The following NRDE2 variants were observed in gnomAD, a reference collection of about 807,000 sequenced individuals.
The protein encoded by NRDE2 is nuclear exosome regulator NRDE2.
NRDE2 carries 76 observed loss-of-function variants against 124.2 expected under a neutral mutation model. That is an observed-to-expected ratio of 0.61 (90% CI 0.51 to 0.74). The LOEUF (loss-of-function observed/expected upper bound fraction) is 0.74, where lower values mean the gene tolerates loss of function less well. NRDE2 is among the 30% of genes least tolerant of loss of function. The pLI is 0.00. For synonymous variants in NRDE2, 489 were observed against 528.1 expected, an observed-to-expected ratio of 0.93 and a Z score of 1.01; for missense variants, 1,314 against 1,417.3, an observed-to-expected ratio of 0.93 and a Z score of 1.17.
At chr14:90,324,953 G>A (rs919641208) in intron 1 of NRDE2, among the ~76,000 whole-genome samples, 145 of 152,278 alleles carry the variant, frequency 9.5e-4, no homozygotes, top group African/African-American at 3.2e-3. Flanking sequence ...GCAATGGCAG[G>A]ACTAACGGCG....
In NRDE2 at chr14:90,273,611, T is replaced by C. The variant is rs909650615; in HGVS notation, c.*4725A>G. ...CACAATTTTATCTCAGTTCTGTAGG[T>C]CAGAAGTCCAACACGAGTGTCTCCA... On this transcript the variant is annotated 3_prime_UTR_variant, in exon 14 of 14. Coordinates refer to ENST00000354366, the MANE Select transcript of NRDE2 (RefSeq NM_017970.4). 1.3e-5 allele frequency: 2 copies of C among 152,436 alleles called. No individual in the cohort carries two copies. Among genetic ancestry groups the C allele is most frequent in the Admixed American group, 6.5e-5 (1 of 15,280 alleles). The allele number at this position is 152,436 out of a possible 1,614,324, so 9.4% of individuals were successfully genotyped here.
At chr14:90,326,690 C>T (rs1224933462) in intron 1 of NRDE2, among the ~76,000 whole-genome samples, 1 of 151,922 alleles carries the variant, frequency 6.6e-6, no homozygotes, top group Non-Finnish European at 1.5e-5. Flanking sequence ...CAACGTTAGG[C>T]TAAGCATTTT....
chr14:90,307,640 C>T (rs1884662564), intron 4 of NRDE2, among the ~76,000 whole-genome samples: 1 of 152,250 alleles, frequency 6.6e-6, no homozygotes, highest in Non-Finnish European at 1.5e-5. Context: ...CTTTGGGAGG[C>T]CAAGGTGGGC....
intron 4 of NRDE2, among the ~76,000 whole-genome samples, chr14:90,308,848 G>T (rs141312295): frequency 7.6e-4 from 115 of 152,142 alleles, no homozygotes; most frequent in Admixed American, 1.8e-3. Flanking sequence ...CAAAGCCAGG[G>T]AACAAAAATG....
chr14:90,313,459 G>A (rs926194527), intron 3 of NRDE2, among the ~76,000 whole-genome samples: 2 of 151,980 alleles, frequency 1.3e-5, no homozygotes, highest in Admixed American at 6.6e-5. Flanking sequence ...CTCTGTATTC[G>A]CTGTTTTGCT....
intron 6 of NRDE2, among the ~76,000 whole-genome samples, chr14:90,302,130 G>A (rs961428741): frequency 6.6e-6 from 1 of 152,158 alleles, no homozygotes; most frequent in Non-Finnish European, 1.5e-5. Flanking sequence ...GTTGCTGATG[G>A]AGAAACTGGG....
rs369516769 is a variant in NRDE2 at position 90,318,032 on chromosome 14, T to A, written c.146A>T (p.His49Leu). The A allele has an allele frequency of 1.2e-6, 2 of 1,614,024 alleles. No individual in the cohort carries two copies. The highest frequency in any genetic ancestry group is 1.7e-5 in the Admixed American group (1 of 59,970). ...TGTCAGCGGTAACCCTTCAGAAACA[T>A]GGGCTGGAGCTGCTTCAGTTTGTTG... is the stretch of plus-strand genomic sequence containing the variant. ...LSQQTEAAPA[H>L]VSEGLPLTRS... is the part of the protein sequence containing the mutation. The change falls in exon 2 of 14, where the codon CAT (histidine) becomes CTT (leucine). Residue 49 changes from histidine to leucine, a missense_variant. By Grantham distance (99) the His-to-Leu change is moderately conservative. Transcript: ENST00000354366.
intron 4 of NRDE2, among the ~76,000 whole-genome samples, chr14:90,310,366 C>T (rs1884779816): frequency 6.6e-6 from 1 of 152,196 alleles, no homozygotes; most frequent in South Asian, 2.1e-4. Context: ...TACTTAACCT[C>T]TCTGCGATTC....
At chr14:90,326,494 C>A (rs1885443592) in intron 1 of NRDE2, among the ~76,000 whole-genome samples, 4 of 122,586 alleles carry the variant, frequency 3.3e-5, no homozygotes, top group Admixed American at 9.7e-5. Context: ...GAGCGAGACT[C>A]TGTCTCAAAA....
chr14:90,302,986 T>C lies in NRDE2; in HGVS notation c.1145A>G (p.Asp382Gly). The change falls in exon 6 of 14, where the codon GAT becomes GGT. Residue 382 changes from aspartate (D) to glycine (G), a missense_variant. Physicochemically the swap from Asp to Gly is moderately conservative, Grantham distance 94 (BLOSUM62 -1). Transcript: ENST00000354366. ...GAGCTTCAGCTTGGCCAGTTTCAGA[T>C]CCACACTGCTCTGGTTGCTCTCAAT... Reference protein sequence around the residue: ...RAIESNQSSVDLKLAKLKLCT... With the variant: ...RAIESNQSSVGLKLAKLKLCT... The C allele has an allele frequency of 6.2e-7, 1 of 1,614,064 alleles. No homozygotes were observed. Among genetic ancestry groups the C allele is most frequent in the South Asian group, 1.1e-5 (1 of 91,084 alleles).
At chr14:90,283,732 C>CA (rs1266114619) in intron 12 of NRDE2, among the ~76,000 whole-genome samples, 2 of 144,214 alleles carry the variant, frequency 1.4e-5, no homozygotes, top group African/African-American at 5.2e-5. Flanking sequence ...TTTTTTGAGA[C>CA]AGAGTCTGGC....
intron 13 of NRDE2, chr14:90,278,705 T>C (rs1016710990): frequency 9.1e-6 from 5 of 546,768 alleles, no homozygotes; most frequent in African/African-American, 5.6e-5. Context: ...GTCCAGGAAT[T>C]GCTGGCCGTC....
In NRDE2 at chr14:90,289,172, G is replaced by A. The variant is rs777160944; in HGVS notation, c.2230-27C>T. The stretch of plus-strand genomic sequence containing the variant: ...TACAGGGAAAAAGAGAAGAATGACT[G>A]CAGGTGCTCTGTAATTAAGGCGTCC... On this transcript the variant is annotated intron_variant, in intron 10 of 13. Coordinates refer to ENST00000354366, the MANE Select transcript of NRDE2 (RefSeq NM_017970.4). The A allele has an allele frequency of 9.0e-6, 14 of 1,556,448 alleles. No homozygotes were observed. In the East Asian group the frequency reaches 2.0e-4, roughly 23 times the overall value.
rs551689313 is a variant in NRDE2, at chr14:90,277,501, G to A, written c.*835C>T. The A allele has an allele frequency of 3.9e-5, 6 of 152,404 alleles. No homozygotes were observed. Among genetic ancestry groups the A allele is most frequent in the East Asian group, 1.9e-4 (1 of 5,180 alleles). The allele number at this position is 152,404 out of a possible 1,614,324, so 9.4% of individuals were successfully genotyped here. A position where few individuals can be genotyped will look rare whatever the true frequency, so the allele number is the denominator to read the frequency against. On this transcript the variant is annotated 3_prime_UTR_variant, in exon 14 of 14. Transcript: ENST00000354366. Reference sequence around the variant, plus strand: ...AAAATGGATGTTGACATTTCATTCTGTTCACAGCCCTCGAATGCAACACCA... The same window carrying A: ...AAAATGGATGTTGACATTTCATTCTATTCACAGCCCTCGAATGCAACACCA...
intron 8 of NRDE2, among the ~76,000 whole-genome samples, chr14:90,295,913 G>C (rs181947516): frequency 2.6e-5 from 4 of 152,206 alleles, no homozygotes. Context: ...TGCAGAGAAT[G>C]TAAGTACCAA....
rs1891622888 is a variant in NRDE2, at chr14:90,270,089, T to G, written c.*8247A>C. The G allele has an allele frequency of 8.5e-7, 1 of 1,176,864 alleles. No individual in the cohort carries two copies. The highest frequency in any genetic ancestry group is 1.2e-6 in the Non-Finnish European group (1 of 845,806). 72.9% of individuals were successfully genotyped at this position (1,176,864 alleles called of 1,614,324 possible). On this transcript the variant is annotated 3_prime_UTR_variant, in exon 14 of 14. Transcript: ENST00000354366. The stretch of plus-strand genomic sequence containing the variant: ...AAATTTAGACATCCTTCCCACAGAA[T>G]TCTGTCCGACTGAAACTTCGTATGT...
At chr14:90,309,472 C>A (rs372069726) in intron 4 of NRDE2, among the ~76,000 whole-genome samples, 739 of 110,652 alleles carry the variant, frequency 6.7e-3, no homozygotes, top group East Asian at 9.2e-3. Context: ...GACTCTGTCT[C>A]AAAAAAAAAA....
rs555640546 is a variant in NRDE2 at position 90,276,093 on chromosome 14, A to G, written c.*2243T>C. ...GGGGAAATGACGAGCGTTCCTGATG[A>G]AACACATGAGCCACTGTTTGACTCC... On this transcript the variant is annotated 3_prime_UTR_variant, in exon 14 of 14. Transcript: ENST00000354366. 6.6e-6 allele frequency: 1 copy of G among 152,338 alleles called. No homozygotes were observed. The highest frequency in any genetic ancestry group is 6.5e-5 in the Admixed American group (1 of 15,288). 9.4% of individuals were successfully genotyped at this position (152,338 alleles called of 1,614,324 possible).
rs1475438847 is a variant in NRDE2, at chr14:90,301,101, A to C, written c.1545+138T>G. 6.2e-6 allele frequency: 5 copies of C among 806,414 alleles called. No individual in the cohort carries two copies. In the East Asian group the frequency reaches 1.3e-4, roughly 21 times the overall value. The allele number at this position is 806,414 out of a possible 1,614,324, so 50.0% of individuals were successfully genotyped here. ...GAATTCCTCCTCAGCAGACTGATATAAAGGAGGATATGATATTTTAAAAAC... is the reference window on the plus strand; with the variant it reads ...GAATTCCTCCTCAGCAGACTGATATCAAGGAGGATATGATATTTTAAAAAC... On this transcript the variant is annotated intron_variant, in intron 7 of 13. Coordinates refer to ENST00000354366, the MANE Select transcript of NRDE2 (RefSeq NM_017970.4).
Sources: gnomAD v4.1 joint callset for allele counts (sites outside exome capture counted in the v4.1 genomes callset) on GRCh38, gnomAD v4.1.1 for gene constraint, MANE v1.5 for transcripts, NCBI Gene and HGNC (gene_info 2026-07-23, HGNC 2026-07-21) for gene names.